The following KRABD5 variants were observed in gnomAD, a reference collection of about 807,000 sequenced individuals.
KRABD5 encodes the protein KRAB domain-containing protein 5.
chr16:31,715,699 G>T, the KRABD5 span, among the ~76,000 whole-genome samples: 1 of 152,170 alleles, frequency 6.6e-6, no homozygotes, highest in Non-Finnish European at 1.5e-5. Context: ...CTCTGAACTT[G>T]TGGGGTCTGT....
chr16:31,718,104 C>T, the KRABD5 span, among the ~76,000 whole-genome samples: 1 of 152,138 alleles, frequency 6.6e-6, no homozygotes, highest in African/African-American at 2.4e-5. Flanking sequence ...CATCCTCTTG[C>T]CCAAATGCCC....
chr16:31,716,525 C>G, the KRABD5 span, among the ~76,000 whole-genome samples: 1 of 152,098 alleles, frequency 6.6e-6, no homozygotes, highest in Admixed American at 6.6e-5. Context: ...GAGGCATGTG[C>G]CCCCCACACC....
chr16:31,756,699 A>G, the KRABD5 span: 2 of 152,172 alleles, frequency 1.3e-5, no homozygotes, highest in African/African-American at 2.4e-5. Context: ...AAAATCCTGA[A>G]TCATTGTTTA....
chr16:31,741,030 T>C, the KRABD5 span, among the ~76,000 whole-genome samples: 1 of 152,200 alleles, frequency 6.6e-6, no homozygotes, highest in African/African-American at 2.4e-5. Flanking sequence ...TATGTCCATA[T>C]GTACCTAATG....
the KRABD5 span, among the ~76,000 whole-genome samples, chr16:31,716,252 C>T: frequency 1.3e-5 from 2 of 152,146 alleles, no homozygotes; most frequent in Non-Finnish European, 2.9e-5. Flanking sequence ...CATCTGCCTG[C>T]ATGGACACAG....
At chr16:31,715,720 G>A in the KRABD5 span, among the ~76,000 whole-genome samples, 2 of 152,084 alleles carry the variant, frequency 1.3e-5, no homozygotes, top group African/African-American at 4.8e-5. Flanking sequence ...GCTGCCTCTG[G>A]GTGCTGTCAG....
the KRABD5 span, among the ~76,000 whole-genome samples, chr16:31,719,184 C>T: frequency 6.6e-6 from 1 of 152,196 alleles, no homozygotes; most frequent in African/African-American, 2.4e-5. Flanking sequence ...TGATCCGGTG[C>T]AAGCACGGAG....
chr16:31,745,673 C>CTTGTTAAT, the KRABD5 span, among the ~76,000 whole-genome samples: 1 of 123,986 alleles, frequency 8.1e-6, no homozygotes, highest in East Asian at 2.0e-4. Context: ...CTTGAATATC[C>CTTGTTAAT]TTGTTAATTT....
At chr16:31,736,116 T>C in the KRABD5 span, among the ~76,000 whole-genome samples, 5 of 152,212 alleles carry the variant, frequency 3.3e-5, no homozygotes, top group African/African-American at 1.2e-4. Context: ...CTTCTGTATA[T>C]GGATATTCAA....
At chr16:31,726,526 C>T in the KRABD5 span, among the ~76,000 whole-genome samples, 254 of 152,122 alleles carry the variant, frequency 1.7e-3, 2 homozygotes, top group South Asian at 0.026. Flanking sequence ...TTTGGGAGAC[C>T]GAAGCAGGTG....
At chr16:31,740,796 T>A in the KRABD5 span, among the ~76,000 whole-genome samples, 1 of 152,064 alleles carries the variant, frequency 6.6e-6, no homozygotes, top group Non-Finnish European at 1.5e-5. Context: ...AAGACCCCAT[T>A]TTTTTCTGTT....
chr16:31,742,689 G>A, the KRABD5 span, among the ~76,000 whole-genome samples: 1 of 152,192 alleles, frequency 6.6e-6, no homozygotes, highest in Non-Finnish European at 1.5e-5. Flanking sequence ...TAATGGGATT[G>A]CTGGGTCAAA....
chr16:31,742,071 GA>G, the KRABD5 span, among the ~76,000 whole-genome samples: 1 of 151,776 alleles, frequency 6.6e-6, no homozygotes, highest in African/African-American at 2.4e-5. Flanking sequence ...TATTTTTGTT[GA>G]CTTTGTGGAA....
At chr16:31,753,763 C>T in the KRABD5 span, 2 of 1,472,156 alleles carry the variant, frequency 1.4e-6, no homozygotes, top group Middle Eastern at 1.8e-4. Flanking sequence ...TGGTATCTTT[C>T]AGATATCTTT....
the KRABD5 span, among the ~76,000 whole-genome samples, chr16:31,730,192 A>G: frequency 6.7e-6 from 1 of 150,340 alleles, no homozygotes; most frequent in Non-Finnish European, 1.5e-5. Flanking sequence ...GTCGTTTAGC[A>G]TTTCTAGACA....
At chr16:31,726,888 C>T in the KRABD5 span, among the ~76,000 whole-genome samples, 2 of 152,148 alleles carry the variant, frequency 1.3e-5, no homozygotes, top group Non-Finnish European at 2.9e-5. Flanking sequence ...GACATTTTAT[C>T]AGTATTAATT....
At chr16:31,741,271 A>G in the KRABD5 span, among the ~76,000 whole-genome samples, 1 of 152,234 alleles carries the variant, frequency 6.6e-6, no homozygotes, top group African/African-American at 2.4e-5. Flanking sequence ...TGTGATGAAC[A>G]TATGAGTGCA....
the KRABD5 span, among the ~76,000 whole-genome samples, chr16:31,751,170 A>G: frequency 3.9e-5 from 6 of 152,204 alleles, no homozygotes; most frequent in African/African-American, 1.2e-4. Context: ...AACTTTGAGT[A>G]TGCTGCTGGA....
chr16:31,721,778 A>G, the KRABD5 span, among the ~76,000 whole-genome samples: 1 of 152,228 alleles, frequency 6.6e-6, no homozygotes, highest in Admixed American at 6.5e-5. Flanking sequence ...TTCAGTGTTC[A>G]ACCTCTCTGC....
Sources: allele counts gnomAD v4.1 joint callset (sites outside exome capture counted in the v4.1 genomes callset), GRCh38; gene constraint gnomAD v4.1.1; transcripts MANE v1.5; gene names NCBI Gene and HGNC (gene_info 2026-07-23, HGNC 2026-07-21).